RTCB: variants seen among roughly 807,000 people sequenced by gnomAD.
RTCB encodes RNA-splicing ligase RTCB.
A neutral mutation model predicts 58.2 loss-of-function variants in RTCB; 32 were observed. The ratio of observed to expected loss-of-function variants is 0.55; its 90% CI spans 0.41 to 0.74. The LOEUF (loss-of-function observed/expected upper bound fraction) is 0.74, where lower values mean the gene tolerates loss of function less well. RTCB is among the 30% of genes least tolerant of loss of function. The pLI is 0.00. For missense variants in RTCB, 523 were observed against 639.0 expected, an observed-to-expected ratio of 0.82 and a Z score of 1.96; for synonymous variants, 247 against 218.6, an observed-to-expected ratio of 1.13 and a Z score of -1.15.
chr22:32,407,629 T>C (rs140901650), intron 3 of RTCB: 2,850 of 152,746 alleles, frequency 0.019, 37 homozygotes, highest in Middle Eastern at 0.048. Flanking sequence ...CCAGGAATAA[T>C]GTTACCATGA....
In RTCB at chr22:32,412,097, C is replaced by T; in HGVS notation, c.60G>A (p.Trp20Ter). The change falls in exon 1 of 12, where the codon TGG (tryptophan) becomes TGA (stop). Residue 20 changes from tryptophan to a stop codon, truncating the protein, a stop_gained. Transcript: ENST00000216038. LOFTEE classifies it high-confidence loss of function. ...QFLEKINKNC[W>*]RIKKGFVPNM... ...TGGGCACGAAGCCCTTCTTGATCCT[C>T]CAGCAGTTTTTATTGATCTTCTCCA... 1.2e-6 allele frequency: 2 copies of T among 1,609,844 alleles called. No homozygotes were observed. The highest frequency in any genetic ancestry group is 1.7e-6 in the Non-Finnish European group (2 of 1,179,050).
Position 32,395,136 on chromosome 22 carries a change from T to C in RTCB, c.1069A>G (p.Lys357Glu), listed in dbSNP as rs1933223928. 1 of 1,614,192 alleles carries C rather than the reference T, an allele frequency of 6.2e-7. No homozygotes were observed. Among genetic ancestry groups the C allele is most frequent in the Non-Finnish European group, 8.5e-7 (1 of 1,180,022 alleles). ...VIYDVSHNIA[K>E]VEQHVVDGKE... ...CCGTCCACCACATGCTGCTCCACTT[T>C]GGCAATGTTGTGAGAAACATCATAG... Residue 357 changes from lysine to glutamate, a missense_variant, in exon 9 of 12, where the codon AAA (lysine) becomes GAA (glutamate). Transcript: ENST00000216038.
At chr22:32,408,688 T>C in intron 2 of RTCB, 67 bp downstream of exon 2, 1 of 1,123,426 alleles carries the variant, frequency 8.9e-7, no homozygotes, top group East Asian at 2.4e-5. Context: ...TTATTTGAGT[T>C]GCCACTTTTT....
intron 4 of RTCB, 23 bp downstream of exon 4, chr22:32,406,639 G>T: frequency 6.5e-7 from 1 of 1,536,332 alleles, no homozygotes; most frequent in South Asian, 1.1e-5. Context: ...ACACTTAACA[G>T]CAGATGTCCA....
chr22:32,402,664 T>C (rs1933357736), intron 4 of RTCB, among the ~76,000 whole-genome samples: 1 of 131,856 alleles, frequency 7.6e-6, no homozygotes, highest in African/African-American at 2.7e-5. Context: ...TTGGCCAGGA[T>C]GGTCTTGAAC....
chr22:32,411,506 T>C (rs981504976), intron 1 of RTCB, among the ~76,000 whole-genome samples: 3 of 152,166 alleles, frequency 2.0e-5, no homozygotes, highest in African/African-American at 4.8e-5. Context: ...ATCCTCGAGG[T>C]CCTTCTGTGA....
intron 1 of RTCB, among the ~76,000 whole-genome samples, chr22:32,411,757 G>A (rs1174798303): frequency 2.6e-5 from 4 of 152,178 alleles, no homozygotes; most frequent in African/African-American, 9.7e-5. Context: ...ACGTAAAACA[G>A]CTCACGATAC....
At chr22:32,403,263 G>A (rs1001981829) in intron 4 of RTCB, among the ~76,000 whole-genome samples, 11 of 152,090 alleles carry the variant, frequency 7.2e-5, no homozygotes, top group African/African-American at 2.4e-4. Flanking sequence ...AAAAATTAGC[G>A]GGGTATGGTG....
chr22:32,398,396 C>T (rs540027297), intron 6 of RTCB, among the ~76,000 whole-genome samples: 109 of 152,064 alleles, frequency 7.2e-4, no homozygotes, highest in African/African-American at 2.6e-3. Flanking sequence ...TAAGTGGGAG[C>T]TGAACAATGA....
chr22:32,401,720 C>T (rs764755630), intron 5 of RTCB, 27 bp downstream of exon 5: 17 of 1,611,554 alleles, frequency 1.1e-5, no homozygotes, highest in Middle Eastern at 3.4e-4. Context: ...CCCTCCCATA[C>T]CATGTACTGG....
intron 1 of RTCB, among the ~76,000 whole-genome samples, chr22:32,410,535 G>A (rs1933502300): frequency 6.6e-6 from 1 of 152,172 alleles, no homozygotes; most frequent in Non-Finnish European, 1.5e-5. Context: ...ATTCCCAAAG[G>A]AAAGGTGGTA....
At chr22:32,394,657 A>C (rs2281035) in intron 9 of RTCB, among the ~76,000 whole-genome samples, 13,396 of 152,166 alleles carry the variant, frequency 0.088, 988 homozygotes, top group East Asian at 0.45. Flanking sequence ...AGGAGCAAGC[A>C]GACTATGGGG....
At chr22:32,394,097 A>T in intron 9 of RTCB, 95 bp from the exon 10 acceptor site, 2 of 771,900 alleles carry the variant, frequency 2.6e-6, no homozygotes, top group Non-Finnish European at 4.3e-6. Context: ...GTAGGATTGT[A>T]GGAGAAACCC....
chr22:32,411,606 T>C (rs1320294611), intron 1 of RTCB, among the ~76,000 whole-genome samples: 1 of 152,222 alleles, frequency 6.6e-6, no homozygotes, highest in African/African-American at 2.4e-5. Flanking sequence ...TACTGAATGC[T>C]GAAAACCTGG....
At chr22:32,396,028 A>T (rs200490231) in intron 8 of RTCB, 46 bp downstream of exon 8, 19 of 1,594,078 alleles carry the variant, frequency 1.2e-5, no homozygotes, top group Non-Finnish European at 1.7e-6. Flanking sequence ...AAAGCACTTA[A>T]CATCATCATG....
chr22:32,406,550 T>C (rs961623015), intron 4 of RTCB, 112 bp downstream of exon 4: 2 of 643,918 alleles, frequency 3.1e-6, no homozygotes, highest in African/African-American at 1.8e-5. Flanking sequence ...TTTGATCTCT[T>C]GACCTCATGA....
In RTCB at chr22:32,401,918, A is replaced by G. The variant is rs1933342091; in HGVS notation, c.341-15T>C. 6.2e-7 allele frequency: 1 copy of G among 1,611,632 alleles called. No individual in the cohort carries two copies. The highest frequency in any genetic ancestry group is 1.7e-5 in the Admixed American group (1 of 59,900). ...CCCGACACCACCTACAAAATAGAGAAAAGTTAGCAAAACCAGCTGGTAAGG... is the reference window on the plus strand; with the variant it reads ...CCCGACACCACCTACAAAATAGAGAGAAGTTAGCAAAACCAGCTGGTAAGG... On this transcript the variant is annotated splice_polypyrimidine_tract_variant and intron_variant, in intron 4 of 11. Transcript: ENST00000216038.
chr22:32,400,843 G>T (rs1439478898), intron 5 of RTCB, among the ~76,000 whole-genome samples: 1 of 152,170 alleles, frequency 6.6e-6, no homozygotes, highest in African/African-American at 2.4e-5. Context: ...TTCTGCTACT[G>T]AAGTACTCTG....
intron 11 of RTCB, 105 bp downstream of exon 11, chr22:32,392,135 A>G (rs759063217): frequency 3.1e-6 from 4 of 1,274,090 alleles, no homozygotes; most frequent in South Asian, 1.7e-5. Flanking sequence ...AAAATAACCC[A>G]AACAATTTCT....
Sources: gnomAD v4.1 joint callset for allele counts (sites outside exome capture counted in the v4.1 genomes callset) on GRCh38, gnomAD v4.1.1 for gene constraint, MANE v1.5 for transcripts, NCBI Gene and HGNC (gene_info 2026-07-23, HGNC 2026-07-21) for gene names.